Variants in POM121 observed in about 807,000 individuals in gnomAD.
POM121 encodes the protein POM121 transmembrane nucleoporin.
Under a neutral mutation model 81.3 loss-of-function variants are expected in POM121, and 32 were observed. The ratio of observed to expected loss-of-function variants is 0.39; its 90% CI spans 0.30 to 0.53. The LOEUF (loss-of-function observed/expected upper bound fraction) is 0.53. POM121 is among the 20% of genes least tolerant of loss of function. The pLI is 0.66. For synonymous variants in POM121, 514 were observed against 694.2 expected, an observed-to-expected ratio of 0.74 and a Z score of 4.08; for missense variants, 1,138 against 1,614.6, an observed-to-expected ratio of 0.70 and a Z score of 5.06.
rs1460171196 is a variant in POM121, at chr7:72,928,395, A to G, written c.1033A>G (p.Ser345Gly). The G allele has an allele frequency of 1.2e-6, 2 of 1,614,132 alleles. No individual in the cohort carries two copies. The highest frequency in any genetic ancestry group is 1.7e-6 in the Non-Finnish European group (2 of 1,180,050). Reference sequence around the variant, plus strand: ...TTTGATTTGTCGCAGGCGCCATGATAGCAGTGGCAGTGGACATTCAGCATT... The same window carrying G: ...TTTGATTTGTCGCAGGCGCCATGATGGCAGTGGCAGTGGACATTCAGCATT... ...GQENKRRRHD[S>G]SGSGHSAFEP... Residue 345 changes from serine to glycine, a missense_variant, in exon 4 of 13, where the codon AGC (serine) becomes GGC (glycine). Ser to Gly is a moderately conservative substitution (Grantham distance 56). Coordinates refer to ENST00000434423, the MANE Select transcript of POM121 (RefSeq NM_001387691.1).
At chr7:72,920,345 CTTTT>C (rs781909518), upstream of POM121, among the ~76,000 whole-genome samples, 3 of 112,538 alleles carry the variant, frequency 2.7e-5, no homozygotes, top group African/African-American at 6.8e-5. Flanking sequence ...GAGTAATGGT[CTTTT>C]TTTTTTTTTT....
downstream of POM121, chr7:72,948,903 C>T (rs77088979): frequency 2.4e-3 from 3,874 of 1,612,246 alleles, 185 homozygotes; most frequent in African/African-American, 0.042. Flanking sequence ...TGAAGGCGCC[C>T]GGGTTCTGCT....
At chr7:72,933,992 T>A (rs1796270007) in intron 5 of POM121, among the ~76,000 whole-genome samples, 1 of 152,218 alleles carries the variant, frequency 6.6e-6, no homozygotes, top group Non-Finnish European at 1.5e-5. Flanking sequence ...TAAAAATCTT[T>A]TAATATGCAT....
At chr7:72,949,350 G>A (rs199657669), downstream of POM121, 81 of 806,294 alleles carry the variant, frequency 1.0e-4, no homozygotes, top group Non-Finnish European at 8.1e-5. Context: ...GGACATAGTG[G>A]ACCTCACGAT....
intron 3 of POM121, among the ~76,000 whole-genome samples, chr7:72,900,730 C>T (rs1419212508): frequency 2.0e-5 from 3 of 152,030 alleles, no homozygotes; most frequent in Admixed American, 2.0e-4. Flanking sequence ...TGTTGAACTC[C>T]TGGCCTTAAG....
In POM121 at chr7:72,945,607, G is replaced by A. The variant is rs782537519; in HGVS notation, c.3551G>A (p.Gly1184Asp). Reference protein sequence around the residue: ...VFGGTATPTFGLNTPAPGVGT... With the variant: ...VFGGTATPTFDLNTPAPGVGT... ...CCAGGCACCGCCACCCCCACCTTTG[G>A]TCTGAACACCCCTGCGCCTGGAGTG... The change falls in exon 12 of 13, where the codon GGT becomes GAT. Residue 1184 changes from glycine to aspartate, a missense_variant. This residue lies in a region of POM121 where 336 missense variants were observed against 344.3 expected (regional missense o/e 0.98). Transcript: ENST00000434423. The A allele has an allele frequency of 6.2e-7, 1 of 1,613,538 alleles. No individual in the cohort carries two copies.
At chr7:72,930,151 C>G (rs1795871722) in intron 5 of POM121, 40 bp downstream of exon 5, 2 of 1,571,736 alleles carry the variant, frequency 1.3e-6, no homozygotes, top group Admixed American at 1.8e-5. Flanking sequence ...ACATGAATTC[C>G]CAGCGTTCAT....
chr7:72,939,354 T>A lies in POM121; in HGVS notation c.1386T>A (p.His462Gln). The change falls in exon 7 of 13, where the codon CAT becomes CAA. Residue 462 changes from histidine to glutamine, a missense_variant. By Grantham distance (24) the His-to-Gln change is conservative. This residue lies in a region of POM121 where 646 missense variants were observed against 633.5 expected (regional missense o/e 1.02). Transcript: ENST00000434423. Reference sequence around the variant, plus strand: ...CTGACAGAGAAGAGGAGCTGTGTCATCATTCCAGTTCTTCAACTCCATTGG... The same window carrying A: ...CTGACAGAGAAGAGGAGCTGTGTCAACATTCCAGTTCTTCAACTCCATTGG... ...AKKIREEELC[H>Q]HSSSSTPLAA... The A allele has an allele frequency of 6.2e-7, 1 of 1,613,946 alleles. No homozygotes were observed. The highest frequency in any genetic ancestry group is 8.5e-7 in the Non-Finnish European group (1 of 1,179,838).
chr7:72,908,371 A>G (rs1339480488), intron 3 of POM121, among the ~76,000 whole-genome samples: 14 of 152,230 alleles, frequency 9.2e-5, no homozygotes, highest in Admixed American at 8.5e-4. Flanking sequence ...GAGGGAGTCT[A>G]TGACTAGGGT....
At chr7:72,899,233 C>T (rs1258824121) in intron 3 of POM121, among the ~76,000 whole-genome samples, 2 of 152,058 alleles carry the variant, frequency 1.3e-5, no homozygotes, top group South Asian at 2.1e-4. Context: ...GTTCTGCCCA[C>T]CTTGGCCTTC....
At chr7:72,948,858 C>G (rs782305102), downstream of POM121, 1 of 1,574,582 alleles carries the variant, frequency 6.4e-7, no homozygotes, top group East Asian at 2.2e-5. Flanking sequence ...TTCACCCCAT[C>G]CCCCCCTCCA....
intron 4 of POM121, among the ~76,000 whole-genome samples, chr7:72,917,691 C>T (rs1330801451): frequency 2.0e-5 from 3 of 152,138 alleles, no homozygotes; most frequent in African/African-American, 7.2e-5. Flanking sequence ...AGGGACCAGC[C>T]CCACAGGGTC....
chr7:72,903,213 A>C (rs1169911647), intron 3 of POM121, among the ~76,000 whole-genome samples: 1 of 152,230 alleles, frequency 6.6e-6, no homozygotes, highest in Non-Finnish European at 1.5e-5. Context: ...AGGTGGGCAG[A>C]TTGCCTGAGG....
intron 4 of POM121, 107 bp downstream of exon 4, chr7:72,928,572 T>A: frequency 7.3e-7 from 1 of 1,360,768 alleles, no homozygotes; most frequent in Non-Finnish European, 1.0e-6. Flanking sequence ...GCTTAATTGG[T>A]TCAGGTTCAC....
chr7:72,913,290 G>A (rs1234148350), intron 3 of POM121, among the ~76,000 whole-genome samples: 4 of 152,222 alleles, frequency 2.6e-5, no homozygotes, highest in Admixed American at 1.3e-4. Context: ...CCTCCACTGC[G>A]TCGGGACATG....
At chr7:72,882,216 T>C (rs1367969336) in intron 1 of POM121, among the ~76,000 whole-genome samples, 2 of 152,128 alleles carry the variant, frequency 1.3e-5, no homozygotes, top group African/African-American at 4.8e-5. Context: ...GCAGGCTCTA[T>C]CATAGGAAGC....
chr7:72,947,944 G>C lies in POM121; in HGVS notation c.*1710G>C. On this transcript the variant is annotated 3_prime_UTR_variant, in exon 13 of 13. Transcript: ENST00000434423. ...TCCTCGTTAATACCTGGCTGCGTGT[G>C]CAGCTGAGGAGGGAGTGAACCTCAA... 1.5e-5 allele frequency: 16 copies of C among 1,040,616 alleles called. No individual in the cohort carries two copies. Among genetic ancestry groups the C allele is most frequent in the Non-Finnish European group, 1.9e-5 (16 of 862,544 alleles). The allele number at this position is 1,040,616 out of a possible 1,614,324, so 64.5% of individuals were successfully genotyped here.
At chr7:72,904,760 A>G (rs1793069740) in intron 3 of POM121, among the ~76,000 whole-genome samples, 1 of 152,210 alleles carries the variant, frequency 6.6e-6, no homozygotes, top group South Asian at 2.1e-4. Flanking sequence ...ATTTATAAAG[A>G]AAGGAGGTTT....
chr7:72,928,616 C>T, intron 4 of POM121, 151 bp downstream of exon 4: 5 of 846,394 alleles, frequency 5.9e-6, no homozygotes, highest in South Asian at 3.4e-5. Flanking sequence ...GAGTAACTTG[C>T]CACAGTTAAC....
Sources: allele counts gnomAD v4.1 joint callset (sites outside exome capture counted in the v4.1 genomes callset), GRCh38; gene constraint gnomAD v4.1.1; regional missense constraint gnomAD v4.1.1; transcripts MANE v1.5; gene names NCBI Gene and HGNC (gene_info 2026-07-23, HGNC 2026-07-21).